The following SCN9A variants were observed in gnomAD, a reference collection of about 807,000 sequenced individuals.
SCN9A encodes the protein sodium channel protein type 9 subunit alpha.
In SCN9A, 131 loss-of-function variants were observed where a neutral mutation model predicts 187.0. That is an observed-to-expected ratio of 0.70 (90% CI 0.61 to 0.81). SCN9A has a LOEUF of 0.81. SCN9A is among the 30% of genes least tolerant of loss of function. SCN9A has a pLI of 0.00. For synonymous variants in SCN9A, 809 were observed against 808.6 expected, an observed-to-expected ratio of 1.00 and a Z score of -0.01; for missense variants, 2,252 against 2,396.6, an observed-to-expected ratio of 0.94 and a Z score of 1.26.
intron 25 of SCN9A, 54 bp downstream of exon 25, chr2:166,204,306 T>C: frequency 6.4e-7 from 1 of 1,558,838 alleles, no homozygotes; most frequent in Middle Eastern, 1.7e-4. Flanking sequence ...GCATTAAAAA[T>C]GAATTAGAAA....
chr2:166,230,200 G>C (rs1358110320), intron 21 of SCN9A, among the ~76,000 whole-genome samples: 1 of 152,140 alleles, frequency 6.6e-6, no homozygotes, highest in Non-Finnish European at 1.5e-5. Flanking sequence ...TACAAAAACA[G>C]GCTGGGGTTT....
intron 1 of SCN9A, among the ~76,000 whole-genome samples, chr2:166,313,933 C>T (rs999871469): frequency 1.3e-5 from 2 of 151,976 alleles, no homozygotes; most frequent in Non-Finnish European, 2.9e-5. Context: ...ATTTTAACAT[C>T]GTTGTGTGTC....
chr2:166,346,279 A>G (rs1230745174), intron 1 of SCN9A, among the ~76,000 whole-genome samples: 2 of 152,226 alleles, frequency 1.3e-5, no homozygotes, highest in Non-Finnish European at 2.9e-5. Context: ...AGGTCTAACT[A>G]AATTCCAAAT....
Position 166,304,329 on chromosome 2 carries a change from C to A in SCN9A, c.597G>T (p.Ala199=). The A allele has an allele frequency of 6.2e-6, 10 of 1,609,586 alleles. No homozygotes were observed. Among genetic ancestry groups the A allele is most frequent in the Non-Finnish European group, 8.5e-6 (10 of 1,176,164 alleles). ...NWLDFVVIVF[A]YLTEFVNLGN... is the part of the protein sequence containing the mutation. ...CTAGGTTTACAAATTCTGTTAAATA[C>A]CTGTAGAATTAAATCAGAATTATTC... The change falls in exon 6 of 27, where the codon GCG becomes GCT. Residue 199 remains alanine, a splice_region_variant and synonymous_variant. Coordinates refer to ENST00000642356, the MANE Select transcript of SCN9A (RefSeq NM_001365536.1).
Position 166,284,522 on chromosome 2 carries a change from T to C in SCN9A, c.1905A>G (p.Ser635=), listed in dbSNP as rs1171327601. 1.2e-6 allele frequency: 2 copies of C among 1,614,130 alleles called. No homozygotes were observed. Among genetic ancestry groups the C allele is most frequent in the Admixed American group, 1.7e-5 (1 of 60,022 alleles). The change falls in exon 12 of 27, where the codon TCA becomes TCG. Residue 635 remains serine (S), a synonymous_variant. Transcript: ENST00000642356. ...NGVVSLVDGR[S]ALMLPNGQLL... ...GCTGTCCATTGGGGAGCATGAGGGC[T>C]GAGCGTCCATCAACCAGGGAGACCA... is the stretch of plus-strand genomic sequence containing the variant.
chr2:166,272,586 T>G lies in SCN9A; in HGVS notation c.3164A>C (p.Glu1055Ala). 1 of 1,613,532 alleles carries G rather than the reference T, an allele frequency of 6.2e-7. No homozygotes were observed. Among genetic ancestry groups the G allele is most frequent in the African/African-American group, 1.3e-5 (1 of 75,014 alleles). Residue 1055 changes from glutamate to alanine, a missense_variant, in exon 17 of 27, where the codon GAA (glutamate) becomes GCA (alanine). This residue lies in a region of SCN9A where 313 missense variants were observed against 295.3 expected (regional missense o/e 1.06). Transcript: ENST00000642356. ...EMSKGHNFLKEKDKISGFGSS... is the reference protein window; with the variant it reads ...EMSKGHNFLKAKDKISGFGSS... ...TCCAAAACCACTGATTTTATCTTTT[T>G]CCTTGAGGAAATTGTGACCTTTGCT...
chr2:166,318,796 T>C (rs1559039269), intron 1 of SCN9A, among the ~76,000 whole-genome samples: 1 of 152,094 alleles, frequency 6.6e-6, no homozygotes, highest in African/African-American at 2.4e-5. Context: ...GATGGTTACA[T>C]GGGAAAATAT....
chr2:166,200,755 C>A (rs76216524), intron 26 of SCN9A, among the ~76,000 whole-genome samples: 1 of 152,218 alleles, frequency 6.6e-6, no homozygotes, highest in Admixed American at 6.5e-5. Context: ...CCAGCCTCAG[C>A]CTCCAGAGTA....
chr2:166,272,375 A>G (rs201658080), intron 17 of SCN9A, 24 bp downstream of exon 17: 3 of 1,354,842 alleles, frequency 2.2e-6, no homozygotes, highest in African/African-American at 2.9e-5. Flanking sequence ...AATATGAAAC[A>G]CAAAGTATAT....
intron 1 of SCN9A, among the ~76,000 whole-genome samples, chr2:166,327,755 A>G (rs1253682911): frequency 2.0e-5 from 3 of 152,182 alleles, no homozygotes; most frequent in Non-Finnish European, 4.4e-5. Context: ...ACAGTCAAAT[A>G]TAATATAATC....
chr2:166,319,137 A>G (rs192801395), intron 1 of SCN9A, among the ~76,000 whole-genome samples: 2 of 152,232 alleles, frequency 1.3e-5, no homozygotes, highest in Admixed American at 6.5e-5. Flanking sequence ...TGAAAATTAG[A>G]TTGCCATTAA....
intron 24 of SCN9A, among the ~76,000 whole-genome samples, chr2:166,226,251 A>G (rs1364716671): frequency 6.6e-6 from 1 of 152,164 alleles, no homozygotes; most frequent in Non-Finnish European, 1.5e-5. Context: ...TAAATAGTGT[A>G]TTGATTTTTC....
chr2:166,287,015 A>G (rs1292139987), intron 10 of SCN9A, among the ~76,000 whole-genome samples: 1 of 152,176 alleles, frequency 6.6e-6, no homozygotes, highest in Non-Finnish European at 1.5e-5. Context: ...CAGGCACTCT[A>G]TGGTTTAATA....
chr2:166,340,541 C>CTCTCTTT (rs1559050847), intron 1 of SCN9A, among the ~76,000 whole-genome samples: 1 of 67,822 alleles, frequency 1.5e-5, no homozygotes, highest in Non-Finnish European at 2.6e-5. Flanking sequence ...CTTTTCTTTC[C>CTCTCTTT]CTTTCTTTCT....
In SCN9A at chr2:166,254,000, A is replaced by C. The variant is rs73019682; in HGVS notation, c.3352-2115T>G. On this transcript the variant is annotated intron_variant, in intron 17 of 26. Transcript: ENST00000642356. ...TCAATAATTGGTTTTCTCACTGTTT[A>C]AGAGAGCATTAACAAAGATTTATGC... 9.7e-3 allele frequency among the ~76,000 whole-genome samples: 1,477 copies of C among 151,900 alleles called. 26 individuals are homozygous for C. Among genetic ancestry groups the C allele is most frequent in the African/African-American group, 0.033 (1,371 of 41,496 alleles).
chr2:166,359,567 A>G (rs990420749), intron 1 of SCN9A, among the ~76,000 whole-genome samples: 1 of 152,154 alleles, frequency 6.6e-6, no homozygotes, highest in South Asian at 2.1e-4. Context: ...AATCATGTAA[A>G]TAAATTCTTA....
chr2:166,213,029 A>G (rs571492567), intron 24 of SCN9A, among the ~76,000 whole-genome samples: 2 of 152,300 alleles, frequency 1.3e-5, no homozygotes, highest in South Asian at 2.1e-4. Flanking sequence ...TCTACATTAT[A>G]AAAAGAAATA....
intron 7 of SCN9A, among the ~76,000 whole-genome samples, chr2:166,299,654 T>C (rs897716902): frequency 4.0e-5 from 6 of 150,804 alleles, no homozygotes; most frequent in Non-Finnish European, 7.3e-5. Flanking sequence ...ATTCTCTATC[T>C]ACTTAAAAAT....
chr2:166,205,710 T>A (rs1439008528), intron 24 of SCN9A, among the ~76,000 whole-genome samples: 1 of 152,006 alleles, frequency 6.6e-6, no homozygotes, highest in African/African-American at 2.4e-5. Context: ...GAAACTATCA[T>A]CAGAGTGAAC....
Sources: gnomAD v4.1 joint callset for allele counts (sites outside exome capture counted in the v4.1 genomes callset) on GRCh38, gnomAD v4.1.1 for gene constraint, gnomAD v4.1.1 regional missense constraint, MANE v1.5 for transcripts, NCBI Gene and HGNC (gene_info 2026-07-23, HGNC 2026-07-21) for gene names.